UGGT2: variants seen among roughly 807,000 people sequenced by gnomAD.
The protein encoded by UGGT2 is UDP-glucose:glycoprotein glucosyltransferase 2.
A neutral mutation model predicts 192.1 loss-of-function variants in UGGT2; 180 were observed. The ratio of observed to expected loss-of-function variants is 0.94; its 90% CI spans 0.83 to 1.06. The LOEUF is 1.06. UGGT2 is among the 50% of genes least tolerant of loss of function. The probability of loss-of-function intolerance (pLI) is 0.00; values close to 1 mark genes in which losing one functional copy is unlikely to be tolerated. For synonymous variants in UGGT2, 580 were observed against 591.0 expected (o/e 0.98, Z 0.27); for missense variants, 1,849 against 1,795.7 (o/e 1.03, Z -0.54).
intron 16 of UGGT2, among the ~76,000 whole-genome samples, chr13:95,938,366 A>G (rs1395059049): frequency 1.3e-5 from 2 of 152,218 alleles, no homozygotes; most frequent in Admixed American, 1.3e-4. Flanking sequence ...CTCATTTGCT[A>G]TCCAATACTA....
At chr13:95,909,760 A>ATAATAG (rs2048419517) in intron 20 of UGGT2, among the ~76,000 whole-genome samples, 2 of 139,264 alleles carry the variant, frequency 1.4e-5, no homozygotes, top group Non-Finnish European at 3.1e-5. Flanking sequence ...AATAATAATA[A>ATAATAG]TAATAATAAT....
intron 36 of UGGT2, among the ~76,000 whole-genome samples, chr13:95,844,214 G>A (rs1348561802): frequency 3.9e-5 from 6 of 152,198 alleles, no homozygotes; most frequent in East Asian, 1.9e-4. Context: ...CACCTGCCTC[G>A]GCCTCCCAAA....
At position 95,936,945 on chromosome 13, in the gene UGGT2, A is replaced by G. The variant is rs370869189; in HGVS notation, c.1956T>C (p.Tyr652=). 7.0e-6 allele frequency: 11 copies of G among 1,567,098 alleles called. No homozygotes were observed. The highest frequency in any genetic ancestry group is 9.4e-6 in the Non-Finnish European group (11 of 1,165,508). ...CTACCAAAAAAACTTCTCTTTGTAA[A>G]TATACAGATGCATCCATCATTCTTT... ...VLQRMMDASV[Y]LQREVFLGTL... Residue 652 remains tyrosine (Y), a synonymous_variant, in exon 17 of 39, where the codon TAT becomes TAC. Transcript: ENST00000376747.
At position 95,964,714 on chromosome 13, in the gene UGGT2, C is replaced by G. The variant is rs187208863; in HGVS notation, c.1335+5398G>C. On this transcript the variant is annotated intron_variant, in intron 12 of 38. Transcript: ENST00000376747. ...GACTTCATGTCTAAAACACCAAAAG[C>G]AATGGCAACAAAAGCCAAAATTGAC... Among the ~76,000 whole-genome samples the G allele has an allele frequency of 1.2e-3, 183 of 152,186 alleles. 1 individual carries two copies. The highest frequency in any genetic ancestry group is 4.2e-3 in the African/African-American group (173 of 41,540).
intron 12 of UGGT2, among the ~76,000 whole-genome samples, chr13:95,952,813 C>A (rs1175288126): frequency 6.6e-6 from 1 of 152,086 alleles, no homozygotes; most frequent in Non-Finnish European, 1.5e-5. Context: ...CTACTCTTGG[C>A]AGTTAAATTA....
chr13:95,994,319 T>C (rs2051550425), intron 7 of UGGT2, among the ~76,000 whole-genome samples: 1 of 151,888 alleles, frequency 6.6e-6, no homozygotes, highest in South Asian at 2.1e-4. Flanking sequence ...AAGAGGAATA[T>C]TTACCACAGC....
At chr13:95,858,067 G>T (rs1238085005) in intron 33 of UGGT2, among the ~76,000 whole-genome samples, 1 of 150,568 alleles carries the variant, frequency 6.6e-6, no homozygotes, top group Non-Finnish European at 1.5e-5. Flanking sequence ...GAGGGCAAAT[G>T]GGCTGTTACA....
At chr13:95,809,324 TTCTC>T in intron 38 of UGGT2, 1 of 488,492 alleles carries the variant, frequency 2.0e-6, no homozygotes, top group South Asian at 1.5e-5. Flanking sequence ...CTTGGCTTCT[TTCTC>T]TCTAGCTTCA....
chr13:95,815,529 A>T (rs2139757178), intron 38 of UGGT2, among the ~76,000 whole-genome samples: 1 of 152,330 alleles, frequency 6.6e-6, no homozygotes, highest in Middle Eastern at 3.4e-3. Flanking sequence ...TACACTGCAA[A>T]CTAAAACTCT....
intron 17 of UGGT2, among the ~76,000 whole-genome samples, chr13:95,928,516 G>A (rs995159104): frequency 6.6e-6 from 1 of 152,006 alleles, no homozygotes. Context: ...CCTCTCAGAC[G>A]GGGTGGTGGC....
At chr13:95,909,128 G>C (rs1487649773) in intron 20 of UGGT2, among the ~76,000 whole-genome samples, 2 of 152,016 alleles carry the variant, frequency 1.3e-5, no homozygotes, top group African/African-American at 4.8e-5. Flanking sequence ...TTTTGTATAA[G>C]GTGTAAGGAA....
chr13:95,828,698 C>A (rs1323968146), intron 38 of UGGT2, among the ~76,000 whole-genome samples: 2 of 151,980 alleles, frequency 1.3e-5, no homozygotes, highest in Non-Finnish European at 2.9e-5. Context: ...CCAAAAAAAA[C>A]TCCAGGACCA....
chr13:95,881,391 C>A (rs559478121), intron 27 of UGGT2, among the ~76,000 whole-genome samples: 1 of 152,088 alleles, frequency 6.6e-6, no homozygotes. Context: ...CAGAACTCTT[C>A]GCTGCAAATG....
chr13:96,041,342 G>C (rs1428199441), intron 1 of UGGT2, among the ~76,000 whole-genome samples: 1 of 152,164 alleles, frequency 6.6e-6, no homozygotes, highest in Non-Finnish European at 1.5e-5. Context: ...GAAAAGCCCT[G>C]TGGGCTCTCT....
rs779521550 is a variant in UGGT2 at position 95,900,953 on chromosome 13, A to C, written c.2503-15T>G. On this transcript the variant is annotated splice_polypyrimidine_tract_variant and intron_variant, in intron 21 of 38. Transcript: ENST00000376747. ...TTATCCATCCCCTAAAGCAAAAGTT[A>C]AGACTGATGAAACTAATATGAGAAC... The C allele has an allele frequency of 1.3e-6, 2 of 1,534,370 alleles. No individual in the cohort carries two copies. Among genetic ancestry groups the C allele is most frequent in the Non-Finnish European group, 1.7e-6 (2 of 1,145,694 alleles).
intron 12 of UGGT2, among the ~76,000 whole-genome samples, 193 bp from the exon 13 acceptor site, chr13:95,949,647 C>T (rs1444623523): frequency 6.6e-6 from 1 of 152,076 alleles, no homozygotes; most frequent in Non-Finnish European, 1.5e-5. Context: ...CTTGTGTAGC[C>T]TTTTACATTA....
chr13:96,044,879 C>T (rs530643790), intron 1 of UGGT2, among the ~76,000 whole-genome samples: 25 of 152,138 alleles, frequency 1.6e-4, no homozygotes. Context: ...TAAAAACGTC[C>T]AGGACCAGAC....
chr13:96,023,421 T>C (rs925737243), intron 3 of UGGT2, among the ~76,000 whole-genome samples: 19 of 152,100 alleles, frequency 1.2e-4, no homozygotes, highest in African/African-American at 4.3e-4. Flanking sequence ...TCCTCATAAT[T>C]TCCTTATCCC....
At chr13:95,847,341 CTTCT>C (rs1330631820) in intron 36 of UGGT2, among the ~76,000 whole-genome samples, 1 of 152,094 alleles carries the variant, frequency 6.6e-6, no homozygotes, top group Non-Finnish European at 1.5e-5. Context: ...TTACATTAGA[CTTCT>C]TTCTTGGTGT....
Sources: allele counts gnomAD v4.1 joint callset (sites outside exome capture counted in the v4.1 genomes callset), GRCh38; gene constraint gnomAD v4.1.1; transcripts MANE v1.5; gene names NCBI Gene and HGNC (gene_info 2026-07-23, HGNC 2026-07-21).